TNR: variants seen among roughly 807,000 people sequenced by gnomAD.
The protein encoded by TNR is tenascin-R.
In TNR, 45 loss-of-function variants were observed where a neutral mutation model predicts 150.4. That is an observed-to-expected ratio of 0.30 (90% confidence interval 0.24 to 0.38). The LOEUF (loss-of-function observed/expected upper bound fraction) is 0.38, where lower values mean the gene tolerates loss of function less well. Among genes scored for constraint, TNR ranks in the 10% least tolerant of loss-of-function variants. TNR has a pLI of 1.00. For synonymous variants in TNR, 687 were observed against 678.4 expected (o/e 1.01, Z -0.20); for missense variants, 1,544 against 1,759.1 (o/e 0.88, Z 2.19).
intron 2 of TNR, among the ~76,000 whole-genome samples, chr1:175,468,403 T>G (rs1657127488): frequency 6.6e-6 from 1 of 152,194 alleles, no homozygotes; most frequent in Non-Finnish European, 1.5e-5. Flanking sequence ...ACCAGTTCAT[T>G]TTCTCTACCT....
chr1:175,518,689 CATT>C (rs1282043559), intron 2 of TNR, among the ~76,000 whole-genome samples: 2 of 152,172 alleles, frequency 1.3e-5, no homozygotes, highest in African/African-American at 4.8e-5. Context: ...GTCATCACCT[CATT>C]ATAACTCCAT....
At chr1:175,356,207 C>T in intron 16 of TNR, 112 bp downstream of exon 16, 1 of 1,433,128 alleles carries the variant, frequency 7.0e-7, no homozygotes, top group Admixed American at 2.0e-5. Context: ...AAGAACAGCT[C>T]ATAGCTGCCC....
At chr1:175,647,447 A>C (rs1664842302) in intron 1 of TNR, among the ~76,000 whole-genome samples, 2 of 151,726 alleles carry the variant, frequency 1.3e-5, no homozygotes, top group African/African-American at 4.9e-5. Flanking sequence ...AAAAAAAAAA[A>C]AACCTCATTG....
At chr1:175,677,087 C>A (rs1379914989) in intron 1 of TNR, among the ~76,000 whole-genome samples, 1 of 152,198 alleles carries the variant, frequency 6.6e-6, no homozygotes, top group Non-Finnish European at 1.5e-5. Context: ...CTACTTCTCC[C>A]TTGCTGGGCT....
intron 2 of TNR, among the ~76,000 whole-genome samples, chr1:175,417,650 T>C (rs911915544): frequency 1.3e-5 from 2 of 152,194 alleles, no homozygotes; most frequent in Non-Finnish European, 2.9e-5. Flanking sequence ...GCTTTTTTTT[T>C]TCTTAGAACA....
chr1:175,587,714 T>C (rs1463282917), intron 1 of TNR, among the ~76,000 whole-genome samples: 2 of 152,192 alleles, frequency 1.3e-5, no homozygotes, highest in Non-Finnish European at 2.9e-5. Flanking sequence ...ATTTTTAATT[T>C]AATAGTTCAG....
chr1:175,385,600 G>A (rs574314930), intron 8 of TNR, among the ~76,000 whole-genome samples: 15 of 152,312 alleles, frequency 9.8e-5, no homozygotes, highest in African/African-American at 2.2e-4. Context: ...TGTAGTCATC[G>A]TAGGTTTATA....
chr1:175,434,441 C>T (rs989990235), intron 2 of TNR, among the ~76,000 whole-genome samples: 2 of 152,242 alleles, frequency 1.3e-5, no homozygotes, highest in East Asian at 3.9e-4. Flanking sequence ...GCCAGCACCG[C>T]GGCTGCTCGC....
chr1:175,488,826 G>A (rs990700939), intron 2 of TNR, among the ~76,000 whole-genome samples: 3 of 152,232 alleles, frequency 2.0e-5, no homozygotes, highest in African/African-American at 4.8e-5. Context: ...GGTCCCCGAA[G>A]GGTGGATGGG....
intron 7 of TNR, among the ~76,000 whole-genome samples, chr1:175,390,695 T>C (rs989191154): frequency 1.3e-5 from 2 of 152,240 alleles, no homozygotes; most frequent in Non-Finnish European, 2.9e-5. Context: ...TACCTACTTA[T>C]TTTTGAATGA....
chr1:175,613,724 C>T (rs1399900473), intron 1 of TNR, among the ~76,000 whole-genome samples: 1 of 152,108 alleles, frequency 6.6e-6, no homozygotes, highest in Non-Finnish European at 1.5e-5. Flanking sequence ...AAGTTACTGC[C>T]CTCTCCCTTC....
At chr1:175,668,014 C>T (rs187093555) in intron 1 of TNR, among the ~76,000 whole-genome samples, 2 of 152,278 alleles carry the variant, frequency 1.3e-5, no homozygotes, top group Middle Eastern at 3.4e-3. Flanking sequence ...CAGGCCTCTC[C>T]CCAGATCTAC....
chr1:175,674,982 A>G (rs1665816046), intron 1 of TNR, among the ~76,000 whole-genome samples: 1 of 152,148 alleles, frequency 6.6e-6, no homozygotes, highest in Admixed American at 6.5e-5. Context: ...AAAAGCCAGG[A>G]GAAGGGGGAG....
chr1:175,603,831 G>A (rs572511397), intron 1 of TNR, among the ~76,000 whole-genome samples: 10 of 152,286 alleles, frequency 6.6e-5, no homozygotes, highest in African/African-American at 2.4e-4. Context: ...CACTCACCAC[G>A]TCACCCTGAA....
chr1:175,517,919 T>C, intron 2 of TNR, among the ~76,000 whole-genome samples: 1 of 152,206 alleles, frequency 6.6e-6, no homozygotes, highest in East Asian at 1.9e-4. Flanking sequence ...CTGGAGATCC[T>C]AGTGCATACC....
chr1:175,394,828 G>A (rs910219622), intron 5 of TNR, among the ~76,000 whole-genome samples: 1 of 152,138 alleles, frequency 6.6e-6, no homozygotes, highest in South Asian at 2.1e-4. Flanking sequence ...TTGTCACCTG[G>A]GAGCTTGCCT....
chr1:175,427,244 C>T (rs1173476509), intron 2 of TNR, among the ~76,000 whole-genome samples: 9 of 151,670 alleles, frequency 5.9e-5, no homozygotes, highest in South Asian at 2.1e-4. Flanking sequence ...TGTCCAATGA[C>T]TATACAAGTC....
chr1:175,450,832 G>C (rs79707027), intron 2 of TNR, among the ~76,000 whole-genome samples: 14,824 of 152,228 alleles, frequency 0.097, 979 homozygotes, highest in Admixed American at 0.19. Context: ...CAGCACTGGG[G>C]TCTGAAAGCA....
At chr1:175,441,686 T>C (rs776085920) in intron 2 of TNR, among the ~76,000 whole-genome samples, 2 of 152,166 alleles carry the variant, frequency 1.3e-5, no homozygotes, top group Non-Finnish European at 2.9e-5. Context: ...AGCTACATTA[T>C]AGAAATCACT....
Sources: allele counts gnomAD v4.1 joint callset (sites outside exome capture counted in the v4.1 genomes callset), GRCh38; gene constraint gnomAD v4.1.1; transcripts MANE v1.5; gene names NCBI Gene and HGNC (gene_info 2026-07-23, HGNC 2026-07-21).